The following ZNF704 variants were observed in gnomAD, a reference collection of about 807,000 sequenced individuals.
The protein encoded by ZNF704 is glucocorticoid induced gene 1.
In ZNF704, 10 loss-of-function variants were observed where a neutral mutation model predicts 44.7. That is an observed-to-expected ratio of 0.22 (90% CI 0.14 to 0.38). The LOEUF is 0.38. Ranked by LOEUF, ZNF704 falls within the 10% of genes least tolerant of loss-of-function variation. ZNF704 has a pLI of 1.00. For missense variants in ZNF704, 390 were observed against 545.5 expected (o/e 0.71, Z 2.84); for synonymous variants, 211 against 207.6 (o/e 1.02, Z -0.14).
At chr8:80,867,365 C>A (rs960632595) in intron 1 of ZNF704, among the ~76,000 whole-genome samples, 2 of 152,080 alleles carry the variant, frequency 1.3e-5, no homozygotes, top group African/African-American at 4.8e-5. Context: ...GATTTTCAAC[C>A]CACAACTCTA....
intron 2 of ZNF704, among the ~76,000 whole-genome samples, chr8:80,694,796 C>T (rs1357781268): frequency 1.3e-5 from 2 of 152,206 alleles, no homozygotes; most frequent in Non-Finnish European, 2.9e-5. Flanking sequence ...ATCCAAGGTA[C>T]CAACAGATGG....
At chr8:80,790,076 T>C (rs143333377) in intron 2 of ZNF704, among the ~76,000 whole-genome samples, 14 of 152,306 alleles carry the variant, frequency 9.2e-5, no homozygotes, top group Non-Finnish European at 1.5e-4. Flanking sequence ...ACCACAGCAT[T>C]TCCAGTGTGC....
At chr8:80,722,685 T>C (rs528111139) in intron 2 of ZNF704, among the ~76,000 whole-genome samples, 4 of 152,224 alleles carry the variant, frequency 2.6e-5, no homozygotes, top group South Asian at 2.1e-4. Flanking sequence ...TTAGTTTTTA[T>C]AGAAATAATG....
At chr8:80,783,615 G>T (rs747415382) in intron 2 of ZNF704, among the ~76,000 whole-genome samples, 1 of 152,068 alleles carries the variant, frequency 6.6e-6, no homozygotes, top group Non-Finnish European at 1.5e-5. Context: ...GCAGTTTTAA[G>T]TTCACAGAAA....
intron 1 of ZNF704, among the ~76,000 whole-genome samples, chr8:80,841,727 T>C (rs950049428): frequency 1.3e-5 from 2 of 152,192 alleles, no homozygotes; most frequent in South Asian, 2.1e-4. Flanking sequence ...CTAGCAGAGA[T>C]ACATATCAAA....
chr8:80,727,350 T>G (rs1229067825), intron 2 of ZNF704, among the ~76,000 whole-genome samples: 1 of 152,084 alleles, frequency 6.6e-6, no homozygotes, highest in Non-Finnish European at 1.5e-5. Flanking sequence ...GATTCTGCTC[T>G]CAGACAAAGA....
chr8:80,744,951 C>A (rs1806820320), intron 2 of ZNF704, among the ~76,000 whole-genome samples: 1 of 152,068 alleles, frequency 6.6e-6, no homozygotes, highest in African/African-American at 2.4e-5. Flanking sequence ...ACAAAACAAA[C>A]AGAAATGACA....
chr8:80,645,194 T>G, intron 7 of ZNF704: 1 of 1,575,554 alleles, frequency 6.3e-7, no homozygotes, highest in South Asian at 1.2e-5. Context: ...TTGCTAGCCT[T>G]CAGCCCCGCG....
chr8:80,648,180 C>T (rs1817862068), intron 7 of ZNF704, among the ~76,000 whole-genome samples: 1 of 152,210 alleles, frequency 6.6e-6, no homozygotes, highest in Admixed American at 6.5e-5. Flanking sequence ...CCTCTCAACA[C>T]TGCTGCACTG....
intron 7 of ZNF704, among the ~76,000 whole-genome samples, chr8:80,646,664 T>C (rs1817839743): frequency 6.6e-6 from 1 of 152,140 alleles, no homozygotes; most frequent in Non-Finnish European, 1.5e-5. Context: ...TTCATGTGTA[T>C]AGATACGCAG....
chr8:80,662,419 T>C (rs991250028), intron 6 of ZNF704, among the ~76,000 whole-genome samples: 2 of 152,204 alleles, frequency 1.3e-5, no homozygotes, highest in East Asian at 1.9e-4. Context: ...TCTCTCATTA[T>C]ATAGATGAGC....
At position 80,665,520 on chromosome 8, in the gene ZNF704, C is replaced by T. The variant is rs190081977; in HGVS notation, c.660-438G>A. 8.0e-3 allele frequency among the ~76,000 whole-genome samples: 1,007 copies of T among 125,672 alleles called. 6 individuals are homozygous for T. Among genetic ancestry groups the T allele is most frequent in the Admixed American group, 0.016 (148 of 9,514 alleles). 82.4% of individuals were successfully genotyped at this position (125,672 alleles called of 152,430 possible). On this transcript the variant is annotated intron_variant, in intron 5 of 8. Coordinates refer to ENST00000327835, the MANE Select transcript of ZNF704 (RefSeq NM_001033723.3). Reference sequence around the variant, plus strand: ...GTGAAATAATAGACATTAGAGACTTCGAAACGGGGAGGGTGGGAGGGAGGT... The same window carrying T: ...GTGAAATAATAGACATTAGAGACTTTGAAACGGGGAGGGTGGGAGGGAGGT...
At chr8:80,865,458 C>A (rs1809139253) in intron 1 of ZNF704, among the ~76,000 whole-genome samples, 1 of 152,144 alleles carries the variant, frequency 6.6e-6, no homozygotes, top group Non-Finnish European at 1.5e-5. Flanking sequence ...TTTGACTCAG[C>A]CTGTTCTCTC....
In ZNF704 at chr8:80,710,582, G is replaced by A. The variant is rs142449784; in HGVS notation, c.222-17475C>T. Among the ~76,000 whole-genome samples, 281 of 152,212 alleles carry A rather than the reference G, an allele frequency of 1.8e-3. 1 individual carries two copies. The highest frequency in any genetic ancestry group is 6.4e-3 in the African/African-American group (266 of 41,528). On this transcript the variant is annotated intron_variant, in intron 2 of 8. Coordinates refer to ENST00000327835, the MANE Select transcript of ZNF704 (RefSeq NM_001033723.3). Reference sequence around the variant, plus strand: ...AGTCTTTGGGAGGTAGTTAGGTTTCGATGAGGTCATGAAGGTAGAGCCCCC... The same window carrying A: ...AGTCTTTGGGAGGTAGTTAGGTTTCAATGAGGTCATGAAGGTAGAGCCCCC...
intron 2 of ZNF704, among the ~76,000 whole-genome samples, chr8:80,752,669 G>A (rs1806964540): frequency 6.6e-6 from 1 of 152,084 alleles, no homozygotes; most frequent in Non-Finnish European, 1.5e-5. Flanking sequence ...AGCCTCCCTA[G>A]TGGCTAGGAT....
intron 2 of ZNF704, among the ~76,000 whole-genome samples, chr8:80,770,833 T>C (rs1209413096): frequency 1.3e-5 from 2 of 152,218 alleles, no homozygotes; most frequent in African/African-American, 2.4e-5. Context: ...ATACATTTTA[T>C]ATTTAAGTTC....
At chr8:80,653,035 A>C (rs1231639519) in intron 7 of ZNF704, among the ~76,000 whole-genome samples, 1 of 152,182 alleles carries the variant, frequency 6.6e-6, no homozygotes, top group Non-Finnish European at 1.5e-5. Flanking sequence ...AATAAACGTA[A>C]TCCAGCATAT....
chr8:80,833,597 A>G (rs1280748540), intron 1 of ZNF704, among the ~76,000 whole-genome samples: 1 of 152,228 alleles, frequency 6.6e-6, no homozygotes, highest in Non-Finnish European at 1.5e-5. Context: ...CCCATTGATT[A>G]TATTATTCCC....
intron 1 of ZNF704, among the ~76,000 whole-genome samples, chr8:80,830,366 GAAGA>G (rs1237261262): frequency 1.3e-5 from 2 of 152,194 alleles, no homozygotes; most frequent in African/African-American, 4.8e-5. Context: ...TAGCTTAACA[GAAGA>G]AAGAAGCAAA....
Sources: allele counts gnomAD v4.1 joint callset (sites outside exome capture counted in the v4.1 genomes callset), GRCh38; gene constraint gnomAD v4.1.1; transcripts MANE v1.5; gene names NCBI Gene and HGNC (gene_info 2026-07-23, HGNC 2026-07-21).